Variants in GPC5 observed in about 807,000 individuals in gnomAD.
GPC5 encodes the protein glypican-5.
A neutral mutation model predicts 53.9 loss-of-function variants in GPC5; 47 were observed. The ratio of observed to expected loss-of-function variants is 0.87; its 90% CI spans 0.69 to 1.11. GPC5 has a LOEUF of 1.11. Ranked by LOEUF, GPC5 falls within the 50% of genes most tolerant of loss-of-function variation. GPC5 has a pLI of 0.00. For missense variants in GPC5, 748 were observed against 713.1 expected, an observed-to-expected ratio of 1.05 and a Z score of -0.56; for synonymous variants, 286 against 263.3, an observed-to-expected ratio of 1.09 and a Z score of -0.84.
At chr13:92,846,379 TAGAA>T (rs1459154896) in intron 7 of GPC5, among the ~76,000 whole-genome samples, 2 of 152,288 alleles carry the variant, frequency 1.3e-5, no homozygotes, top group East Asian at 1.9e-4. Context: ...TCATATTACA[TAGAA>T]AGACACTGTA....
chr13:92,444,740 A>G (rs1877726487), intron 7 of GPC5, among the ~76,000 whole-genome samples: 1 of 130,510 alleles, frequency 7.7e-6, no homozygotes, highest in Non-Finnish European at 1.6e-5. Flanking sequence ...AAAAAAAAAA[A>G]GTCTAAACTT....
At chr13:92,581,211 C>T (rs192727734) in intron 7 of GPC5, among the ~76,000 whole-genome samples, 20 of 152,202 alleles carry the variant, frequency 1.3e-4, no homozygotes, top group African/African-American at 4.8e-4. Flanking sequence ...TCTTTTCACC[C>T]TTATCTCCTC....
At chr13:92,660,345 T>A (rs962139363) in intron 7 of GPC5, among the ~76,000 whole-genome samples, 2 of 152,090 alleles carry the variant, frequency 1.3e-5, no homozygotes, top group Non-Finnish European at 2.9e-5. Context: ...AAATTATATA[T>A]GATTAATATG....
At chr13:92,730,594 CT>C (rs1566389337) in intron 7 of GPC5, among the ~76,000 whole-genome samples, 1 of 146,100 alleles carries the variant, frequency 6.8e-6, no homozygotes, top group Non-Finnish European at 1.6e-5. Context: ...TTGCTTTTTT[CT>C]TTTTATTTCT....
chr13:91,433,777 C>A (rs1292861255), intron 1 of GPC5, among the ~76,000 whole-genome samples: 1 of 152,174 alleles, frequency 6.6e-6, no homozygotes, highest in Non-Finnish European at 1.5e-5. Flanking sequence ...AATTGCCACA[C>A]TGACTTCCAC....
chr13:91,513,490 C>T (rs990268923), intron 2 of GPC5, among the ~76,000 whole-genome samples: 4 of 151,994 alleles, frequency 2.6e-5, no homozygotes, highest in African/African-American at 9.7e-5. Flanking sequence ...CCTGTAATCC[C>T]AGCACTCTGG....
At chr13:91,696,552 A>C (rs1175055000) in intron 3 of GPC5, among the ~76,000 whole-genome samples, 4 of 152,222 alleles carry the variant, frequency 2.6e-5, no homozygotes, top group South Asian at 2.1e-4. Flanking sequence ...AAAATAAATT[A>C]CTGGAAAGCC....
At chr13:92,364,413 T>C (rs2043591745) in intron 7 of GPC5, among the ~76,000 whole-genome samples, 1 of 151,796 alleles carries the variant, frequency 6.6e-6, no homozygotes, top group Admixed American at 6.5e-5. Flanking sequence ...TATTTGTACT[T>C]TTGAGATTTA....
intron 5 of GPC5, among the ~76,000 whole-genome samples, chr13:91,830,397 A>G (rs1268943626): frequency 6.6e-6 from 1 of 151,954 alleles, no homozygotes; most frequent in Non-Finnish European, 1.5e-5. Context: ...CAATTTGTGC[A>G]GTTAAGACAA....
chr13:92,464,924 A>T (rs1296228789), intron 7 of GPC5, among the ~76,000 whole-genome samples: 1 of 151,868 alleles, frequency 6.6e-6, no homozygotes, highest in Admixed American at 6.6e-5. Context: ...AACAATGTAT[A>T]TTTAAATGTT....
intron 7 of GPC5, among the ~76,000 whole-genome samples, chr13:92,496,571 G>A (rs1042546797): frequency 1.3e-5 from 2 of 152,128 alleles, no homozygotes; most frequent in African/African-American, 4.8e-5. Context: ...AAAAACAAAA[G>A]GGAATAGGTA....
chr13:91,934,079 A>G (rs1047782681), intron 6 of GPC5, among the ~76,000 whole-genome samples: 1 of 151,864 alleles, frequency 6.6e-6, no homozygotes, highest in African/African-American at 2.4e-5. Flanking sequence ...AGGATTTAAA[A>G]GTTATTAAGG....
intron 5 of GPC5, among the ~76,000 whole-genome samples, chr13:91,840,322 C>T (rs1456954961): frequency 6.6e-6 from 1 of 151,940 alleles, no homozygotes; most frequent in Non-Finnish European, 1.5e-5. Context: ...TAGCTCAGTG[C>T]CTGATACATA....
At chr13:91,599,257 TGTCA>T (rs1467399998) in intron 2 of GPC5, among the ~76,000 whole-genome samples, 1 of 152,164 alleles carries the variant, frequency 6.6e-6, no homozygotes, top group Non-Finnish European at 1.5e-5. Context: ...TTTGGCTAAA[TGTCA>T]GTCTTTCCCT....
At chr13:91,501,376 C>T (rs1363801025) in intron 2 of GPC5, among the ~76,000 whole-genome samples, 3 of 151,794 alleles carry the variant, frequency 2.0e-5, no homozygotes, top group African/African-American at 7.3e-5. Context: ...GGTATATCTC[C>T]AAATGCTATC....
intron 5 of GPC5, among the ~76,000 whole-genome samples, chr13:91,786,389 T>C (rs1428999738): frequency 6.6e-6 from 1 of 152,110 alleles, no homozygotes; most frequent in Non-Finnish European, 1.5e-5. Context: ...TCTGATCAGC[T>C]TCCCTCCTGC....
intron 2 of GPC5, among the ~76,000 whole-genome samples, chr13:91,621,537 A>G (rs2033854896): frequency 6.6e-6 from 1 of 151,980 alleles, no homozygotes; most frequent in Non-Finnish European, 1.5e-5. Flanking sequence ...TGTCTGATAG[A>G]GTAGAGTGAA....
At chr13:92,625,306 C>T (rs1255482907) in intron 7 of GPC5, among the ~76,000 whole-genome samples, 3 of 152,102 alleles carry the variant, frequency 2.0e-5, no homozygotes, top group African/African-American at 2.4e-5. Context: ...ATGCATAATA[C>T]TGTAAAATTT....
chr13:92,478,522 T>C (rs1879233139), intron 7 of GPC5, among the ~76,000 whole-genome samples: 1 of 152,214 alleles, frequency 6.6e-6, no homozygotes, highest in South Asian at 2.1e-4. Context: ...TCGCTAAAAA[T>C]GTATGCCTAA....
Sources: allele counts gnomAD v4.1 joint callset (sites outside exome capture counted in the v4.1 genomes callset), GRCh38; gene constraint gnomAD v4.1.1; transcripts MANE v1.5; gene names NCBI Gene and HGNC (gene_info 2026-07-23, HGNC 2026-07-21).